The following CREBBP variants were observed in gnomAD, a reference collection of about 807,000 sequenced individuals.
CREBBP encodes the protein CREB-binding protein.
A neutral mutation model predicts 265.0 loss-of-function variants in CREBBP; 19 were observed. The observed-to-expected ratio is 0.07, with a 90% CI of 0.05 to 0.11. CREBBP has a LOEUF of 0.11. CREBBP is among the 10% of genes least tolerant of loss of function. The pLI is 1.00. For synonymous variants in CREBBP, 1,457 were observed against 1,223.7 expected (o/e 1.19, Z -3.98); for missense variants, 2,525 against 3,219.0 (o/e 0.78, Z 5.22).
chr16:3,825,835 G>A (rs780733334), intron 2 of CREBBP, among the ~76,000 whole-genome samples: 15 of 152,036 alleles, frequency 9.9e-5, no homozygotes, highest in Admixed American at 9.8e-4. Flanking sequence ...AAACTGTAAC[G>A]GAAAAAAATA....
Position 3,725,910 on chromosome 16 carries a change from C to G in CREBBP, c.*1808G>C. ...TTCTCTGGGTGCTGGGGGTGGTAGA[C>G]TTAGGGGATGAACTTCAGCTCCCCT... On this transcript the variant is annotated 3_prime_UTR_variant, in exon 31 of 31. Transcript: ENST00000262367. 4.3e-6 allele frequency: 1 copy of G among 233,104 alleles called. No homozygotes were observed. The allele number at this position is 233,104 out of a possible 1,614,324, so 14.4% of individuals were successfully genotyped here. A position where few individuals can be genotyped will look rare whatever the true frequency, so the allele number is the denominator to read the frequency against.
At chr16:3,853,963 C>CAA (rs776129040) in intron 1 of CREBBP, among the ~76,000 whole-genome samples, 18 of 148,206 alleles carry the variant, frequency 1.2e-4, no homozygotes, top group African/African-American at 4.3e-4. Context: ...AACAAACAAA[C>CAA]ACACACACAC....
intron 2 of CREBBP, among the ~76,000 whole-genome samples, chr16:3,821,933 G>A (rs552829531): frequency 2.0e-5 from 3 of 152,152 alleles, no homozygotes; most frequent in Non-Finnish European, 2.9e-5. Context: ...GTTTAGGCAG[G>A]AGAATCGCTT....
chr16:3,810,898 C>G, intron 2 of CREBBP, 119 bp from the exon 3 acceptor site: 1 of 1,029,310 alleles, frequency 9.7e-7, no homozygotes, highest in Non-Finnish European at 1.5e-6. Context: ...ATTCAAGGTT[C>G]ATTATCAGGT....
At chr16:3,805,095 C>G (rs1270406593) in intron 3 of CREBBP, among the ~76,000 whole-genome samples, 1 of 152,222 alleles carries the variant, frequency 6.6e-6, no homozygotes, top group Non-Finnish European at 1.5e-5. Flanking sequence ...ATTGCCAAAA[C>G]CAACGGGGAT....
intron 16 of CREBBP, among the ~76,000 whole-genome samples, chr16:3,767,150 G>A (rs1297340728): frequency 6.6e-6 from 1 of 152,006 alleles, no homozygotes; most frequent in African/African-American, 2.4e-5. Flanking sequence ...ACTGTGAGGC[G>A]GGCTTACCTC....
rs1439032753 is a variant in CREBBP, at chr16:3,879,873, G to C, written c.44C>G (p.Ala15Gly). 2 of 1,612,696 alleles carry C rather than the reference G, an allele frequency of 1.2e-6. No homozygotes were observed. The highest frequency in any genetic ancestry group is 1.7e-6 in the Non-Finnish European group (2 of 1,179,422). Residue 15 changes from alanine (A) to glycine (G), a missense_variant, in exon 1 of 31, where the codon GCC becomes GGC. By Grantham distance (60) the Ala-to-Gly change is moderately conservative. Coordinates refer to ENST00000262367, the MANE Select transcript of CREBBP (RefSeq NM_004380.3). Reference sequence around the variant, plus strand: ...CGAGAAACCGGGCGAGCTGAGTTTGGCTCTTTTGGGGTTGGGCGGTCCGTC... The same window carrying C: ...CGAGAAACCGGGCGAGCTGAGTTTGCCTCTTTTGGGGTTGGGCGGTCCGTC... ...LLDGPPNPKR[A>G]KLSSPGFSAN...
At chr16:3,863,124 T>G (rs747793482) in intron 1 of CREBBP, among the ~76,000 whole-genome samples, 3 of 152,202 alleles carry the variant, frequency 2.0e-5, no homozygotes, top group Non-Finnish European at 4.4e-5. Flanking sequence ...TTTATCAAAA[T>G]GCACTTAATA....
intron 11 of CREBBP, among the ~76,000 whole-genome samples, chr16:3,776,158 TCCTCCTGCTTCGG>T (rs535870466): frequency 1.1e-3 from 162 of 152,250 alleles, no homozygotes; most frequent in African/African-American, 3.0e-3. Context: ...CCTCAAGTGA[TCCTCCTGCTTCGG>T]CCTCCCAAAG....
intron 2 of CREBBP, among the ~76,000 whole-genome samples, chr16:3,849,429 GT>G (rs540528965): frequency 0.042 from 530 of 12,692 alleles, 1 homozygote; most frequent in South Asian, 0.1. Context: ...GTGTGTGTGT[GT>G]GTGTGTGTGT....
At chr16:3,765,264 C>A (rs1183956605) in intron 16 of CREBBP, among the ~76,000 whole-genome samples, 4 of 152,116 alleles carry the variant, frequency 2.6e-5, no homozygotes, top group African/African-American at 9.7e-5. Context: ...GTGTGAGGCA[C>A]CGCGTCTGGC....
rs768022312 is a variant in CREBBP, at chr16:3,793,591, T to G, written c.1011A>C (p.Thr337=). The G allele has an allele frequency of 6.2e-7, 1 of 1,613,706 alleles. No homozygotes were observed. Among genetic ancestry groups the G allele is most frequent in the Non-Finnish European group, 8.5e-7 (1 of 1,180,030 alleles). Residue 337 remains threonine, a synonymous_variant, in exon 4 of 31, where the codon ACA becomes ACC. Coordinates refer to ENST00000262367, the MANE Select transcript of CREBBP (RefSeq NM_004380.3). ...QMQTSVGIVP[T]QAIATGPTAD... The stretch of plus-strand genomic sequence containing the variant: ...CAGTGGGGCCTGTTGCAATTGCTTG[T>G]GTGGGTACAATTCCCACTGATGTTT...
Position 3,770,909 on chromosome 16 carries a change from T to C in CREBBP, c.2541A>G (p.Pro847=). The C allele has an allele frequency of 6.2e-7, 1 of 1,613,760 alleles. No individual in the cohort carries two copies. Among genetic ancestry groups the C allele is most frequent in the Non-Finnish European group, 8.5e-7 (1 of 1,180,000 alleles). ...GPQASQLPCP[P]VTQSPLHPTP... ...TTGGGTGCAGTGGTGACTGTGTCAC[T>C]GGAGGGCAAGGTAGCTGGCTGGCCT... The change falls in exon 14 of 31, where the codon CCA becomes CCG. Residue 847 remains proline, a synonymous_variant. Transcript: ENST00000262367.
At chr16:3,782,964 G>GT (rs1242826845) in intron 5 of CREBBP, 38 bp from the exon 6 acceptor site, 3 of 1,613,738 alleles carry the variant, frequency 1.9e-6, no homozygotes, top group South Asian at 1.1e-5. Flanking sequence ...AAAACGAGAG[G>GT]TAAGTAAAAG....
rs2051859435 is a variant in CREBBP at position 3,729,737 on chromosome 16, C to A, written c.5310G>T (p.Leu1770=). The A allele has an allele frequency of 6.2e-7, 1 of 1,609,046 alleles. No homozygotes were observed. Among genetic ancestry groups the A allele is most frequent in the South Asian group, 1.1e-5 (1 of 90,978 alleles). The change falls in exon 31 of 31, where the codon CTG becomes CTT. Residue 1770 remains leucine, a synonymous_variant. Coordinates refer to ENST00000262367, the MANE Select transcript of CREBBP (RefSeq NM_004380.3). ...QSKSPQESRR[L]SIQRCIQSLV... The stretch of plus-strand genomic sequence containing the variant: ...GCGACTGGATGCAGCGCTGGATGCT[C>A]AGCCGGCGTGACTCCTGGGGGCTCT...
chr16:3,743,948 C>A (rs548521135), intron 23 of CREBBP, among the ~76,000 whole-genome samples: 1 of 151,914 alleles, frequency 6.6e-6, no homozygotes, highest in South Asian at 2.1e-4. Context: ...AGGTGGCGGG[C>A]GCCTGTAGTC....
chr16:3,874,167 G>A (rs1377448204), intron 1 of CREBBP, among the ~76,000 whole-genome samples: 3 of 152,164 alleles, frequency 2.0e-5, no homozygotes, highest in Admixed American at 6.5e-5. Flanking sequence ...TGATAAATTC[G>A]TCTGATTTTA....
intron 5 of CREBBP, among the ~76,000 whole-genome samples, chr16:3,785,337 A>G (rs2053361248): frequency 6.6e-6 from 1 of 152,236 alleles, no homozygotes; most frequent in South Asian, 2.1e-4. Flanking sequence ...ACACTCTGCC[A>G]GGCTCCCAGA....
intron 23 of CREBBP, 195 bp from the exon 24 acceptor site, chr16:3,740,744 GGCACTCCACTCCTGAAAACC>G: frequency 1.4e-6 from 1 of 702,702 alleles, no homozygotes; most frequent in Non-Finnish European, 2.5e-6. Context: ...TGGGATCTCA[GGCACTCCACTCCTGAAAACC>G]GTTTACGTGC....
Sources: allele counts gnomAD v4.1 joint callset (sites outside exome capture counted in the v4.1 genomes callset), GRCh38; gene constraint gnomAD v4.1.1; transcripts MANE v1.5; gene names NCBI Gene and HGNC (gene_info 2026-07-23, HGNC 2026-07-21).